Variants in ASIC2 observed in about 807,000 individuals in gnomAD.
The protein encoded by ASIC2 is acid sensing ion channel subunit 2, also known as acid-sensing ion channel 2.
ASIC2 carries 25 observed loss-of-function variants against 57.3 expected under a neutral mutation model. That is an observed-to-expected ratio of 0.44 (90% CI 0.32 to 0.61). The LOEUF is 0.61. ASIC2 is among the 20% of genes least tolerant of loss of function. The pLI is 0.06. For missense variants in ASIC2, 641 were observed against 738.1 expected, an observed-to-expected ratio of 0.87 and a Z score of 1.52; for synonymous variants, 319 against 307.5, an observed-to-expected ratio of 1.04 and a Z score of -0.39.
chr17:34,154,984 G>C (rs185509233), intron 1 of ASIC2, among the ~76,000 whole-genome samples: 344 of 152,188 alleles, frequency 2.3e-3, no homozygotes, highest in Middle Eastern at 0.02. Flanking sequence ...CAGCAACAGT[G>C]CTCCTCTCGT....
At chr17:33,479,743 A>G (rs1317877565) in intron 1 of ASIC2, among the ~76,000 whole-genome samples, 2 of 152,138 alleles carry the variant, frequency 1.3e-5, no homozygotes, top group African/African-American at 4.8e-5. Flanking sequence ...TTAGGCTGTG[A>G]CCAGGCCTTC....
In ASIC2 at chr17:33,789,464, T is replaced by TCTCACACACACA. The variant is rs145766933; in HGVS notation, c.555+366513_555+366514insTGTGTGTGTGAG. Among the ~76,000 whole-genome samples, 615 of 144,508 alleles carry TCTCACACACACA rather than the reference T, an allele frequency of 4.3e-3. 6 individuals carry two copies. Among genetic ancestry groups the TCTCACACACACA allele is most frequent in the Admixed American group, 6.1e-3 (88 of 14,500 alleles). The allele number at this position is 144,508 out of a possible 152,430, so 94.8% of individuals were successfully genotyped here. A position where few individuals can be genotyped will look rare whatever the true frequency, so the allele number is the denominator to read the frequency against. ...TGTGAGATTTAGCAGAGAATCATGG[T>TCTCACACACACA]CACACACACACACACACACACACAC... On this transcript the variant is annotated intron_variant, in intron 1 of 9. Coordinates refer to the ASIC2 transcript ENST00000359872.
At chr17:33,947,333 G>T (rs150780869) in intron 1 of ASIC2, among the ~76,000 whole-genome samples, 1 of 152,270 alleles carries the variant, frequency 6.6e-6, no homozygotes, top group African/African-American at 2.4e-5. Flanking sequence ...CTCCATTGGC[G>T]TTTCGCTCTA....
At chr17:33,865,759 T>TAAAAAAAAAAAAA (rs61218521) in intron 1 of ASIC2, among the ~76,000 whole-genome samples, 25 of 122,066 alleles carry the variant, frequency 2.0e-4, no homozygotes, top group Admixed American at 2.4e-4. Flanking sequence ...AAAAAAAAAA[T>TAAAAAAAAAAAAA]AAAAAAAAAA....
chr17:33,331,990 G>T (rs1907331448), intron 1 of ASIC2, among the ~76,000 whole-genome samples: 1 of 152,218 alleles, frequency 6.6e-6, no homozygotes, highest in Non-Finnish European at 1.5e-5. Flanking sequence ...CAGGGCCCCT[G>T]GGGCATACAT....
chr17:33,765,841 T>C (rs1910919199), intron 1 of ASIC2, among the ~76,000 whole-genome samples: 1 of 152,220 alleles, frequency 6.6e-6, no homozygotes, highest in Non-Finnish European at 1.5e-5. Context: ...GTCTTTGGCG[T>C]CCCTTCCCGT....
chr17:33,883,949 A>T (rs1225622553), intron 1 of ASIC2, among the ~76,000 whole-genome samples: 1 of 152,240 alleles, frequency 6.6e-6, no homozygotes, highest in East Asian at 1.9e-4. Context: ...CCCAGGTCAC[A>T]TCATTAGGAA....
intron 1 of ASIC2, among the ~76,000 whole-genome samples, chr17:33,695,509 T>C (rs1022672628): frequency 2.6e-5 from 4 of 152,236 alleles, no homozygotes; most frequent in Non-Finnish European, 5.9e-5. Context: ...GTAAAGAATT[T>C]AACTTTTATA....
intron 1 of ASIC2, among the ~76,000 whole-genome samples, chr17:33,560,701 A>C (rs1426644986): frequency 1.3e-5 from 2 of 152,224 alleles, no homozygotes; most frequent in Non-Finnish European, 2.9e-5. Context: ...GGTTAGCAGG[A>C]GACAGAAATT....
chr17:33,824,779 C>A (rs1597891325), intron 1 of ASIC2, among the ~76,000 whole-genome samples: 1 of 152,026 alleles, frequency 6.6e-6, no homozygotes, highest in Non-Finnish European at 1.5e-5. Flanking sequence ...TCTTGCAAGC[C>A]CCATGCAAGA....
At chr17:34,026,295 G>T (rs1461450882) in intron 1 of ASIC2, among the ~76,000 whole-genome samples, 1 of 152,170 alleles carries the variant, frequency 6.6e-6, no homozygotes, top group Non-Finnish European at 1.5e-5. Flanking sequence ...GAGCCCTGCA[G>T]CAGCTAGAAG....
chr17:33,282,477 TTGTG>T (rs71144870), intron 1 of ASIC2, among the ~76,000 whole-genome samples: 2 of 144,698 alleles, frequency 1.4e-5, no homozygotes, highest in African/African-American at 2.5e-5. Context: ...GTGTGTGTGC[TTGTG>T]TGTGTGTGTG....
intron 1 of ASIC2, among the ~76,000 whole-genome samples, chr17:33,889,528 A>C (rs1479130655): frequency 1.3e-5 from 2 of 151,818 alleles, no homozygotes; most frequent in East Asian, 3.9e-4. Context: ...GGTTTAATTT[A>C]GCCCATGGAA....
At chr17:34,130,122 C>T (rs886373299) in intron 1 of ASIC2, among the ~76,000 whole-genome samples, 1 of 152,202 alleles carries the variant, frequency 6.6e-6, no homozygotes, top group African/African-American at 2.4e-5. Flanking sequence ...TTCATTTGCA[C>T]ATCATGAAAG....
chr17:33,762,954 A>C (rs1252201507), intron 1 of ASIC2, among the ~76,000 whole-genome samples: 2 of 152,152 alleles, frequency 1.3e-5, no homozygotes, highest in East Asian at 3.8e-4. Context: ...TGTTTTATTT[A>C]AGCTGGTAGA....
At chr17:33,828,613 C>T (rs9303669) in intron 1 of ASIC2, 123,404 of 152,018 alleles carry the variant, frequency 0.81, 50,443 homozygotes, top group African/African-American at 0.85. Flanking sequence ...GATGTGAATG[C>T]GGAGATGAAC....
intron 1 of ASIC2, among the ~76,000 whole-genome samples, chr17:33,646,118 C>G (rs1160996976): frequency 6.6e-6 from 1 of 152,098 alleles, no homozygotes; most frequent in African/African-American, 2.4e-5. Context: ...CCCAGCTCAC[C>G]GGGGGTTTGG....
In ASIC2 at chr17:33,774,743, T is replaced by C. The variant is rs541789055; in HGVS notation, c.555+381235A>G. On this transcript the variant is annotated intron_variant, in intron 1 of 9. Transcript: ENST00000359872. ...CCACTCAAAATGACTAGAATTCTGC[T>C]AGTAAAGAAATGGAGTCTGAATATT... Among the ~76,000 whole-genome samples, 3 of 152,302 alleles carry C rather than the reference T, an allele frequency of 2.0e-5. No homozygotes were observed. The South Asian group carries it at 6.2e-4, about 32-fold the overall frequency.
intron 1 of ASIC2, among the ~76,000 whole-genome samples, chr17:34,128,071 C>T (rs1283713845): frequency 6.6e-6 from 1 of 152,078 alleles, no homozygotes; most frequent in Non-Finnish European, 1.5e-5. Context: ...GTGCCTAACA[C>T]CTTGTACAAT....
Sources: allele counts gnomAD v4.1 joint callset (sites outside exome capture counted in the v4.1 genomes callset), GRCh38; gene constraint gnomAD v4.1.1; transcripts MANE v1.5; gene names NCBI Gene and HGNC (gene_info 2026-07-23, HGNC 2026-07-21).